Variants in PRRG1 observed in about 807,000 individuals in gnomAD.
PRRG1 encodes transmembrane gamma-carboxyglutamic acid protein 1.
PRRG1 carries 5 observed loss-of-function variants against 11.8 expected under a neutral mutation model. That is an observed-to-expected ratio of 0.42 (90% CI 0.22 to 0.89). The LOEUF (loss-of-function observed/expected upper bound fraction) is 0.89. Ranked by LOEUF, PRRG1 falls within the 40% of genes least tolerant of loss-of-function variation. The pLI is 0.28. For synonymous variants in PRRG1, 66 were observed against 60.4 expected, an observed-to-expected ratio of 1.09 and a Z score of -0.43; for missense variants, 155 against 166.1, an observed-to-expected ratio of 0.93 and a Z score of 0.37.
chrX:37,366,902 C>T (rs1930587612), intron 1 of PRRG1, among the ~76,000 whole-genome samples: 1 of 111,548 alleles, frequency 9.0e-6, no homozygotes, highest in Non-Finnish European at 1.9e-5. Context: ...GTCTTATTTA[C>T]ACAACTAGAA....
intron 2 of PRRG1, among the ~76,000 whole-genome samples, chrX:37,425,459 T>C (rs148014999): frequency 0.02 from 2,285 of 112,100 alleles, 57 homozygotes; most frequent in African/African-American, 0.07. Flanking sequence ...CAAAGACTGA[T>C]AATCTAGAGA....
At chrX:37,350,595 A>G (rs185463858) in intron 1 of PRRG1, among the ~76,000 whole-genome samples, 2 of 111,919 alleles carry the variant, frequency 1.8e-5, no homozygotes, top group Admixed American at 1.9e-4. Context: ...AAAGCTCCAT[A>G]TGCTTTCATT....
intron 1 of PRRG1, among the ~76,000 whole-genome samples, chrX:37,399,439 T>A (rs1306112748): frequency 9.2e-6 from 1 of 108,770 alleles, no homozygotes; most frequent in African/African-American, 3.4e-5. Flanking sequence ...GCTGAGAGAT[T>A]TTGTCACCAC....
chrX:37,425,179 A>G (rs1222652826), intron 2 of PRRG1, among the ~76,000 whole-genome samples: 2 of 111,386 alleles, frequency 1.8e-5, no homozygotes, highest in Non-Finnish European at 3.8e-5. Flanking sequence ...TGTATTTTGA[A>G]TGTTTATATG....
At chrX:37,412,579 T>C (rs1428345091) in intron 2 of PRRG1, among the ~76,000 whole-genome samples, 1 of 111,311 alleles carries the variant, frequency 9.0e-6, no homozygotes, top group Admixed American at 9.6e-5. Context: ...CCTCTTTAGT[T>C]TAGATGATGT....
rs151042939 is a variant in PRRG1, at chrX:37,371,152, A to G, written c.-42+21757A>G. 3.4e-3 allele frequency among the ~76,000 whole-genome samples: 382 copies of G among 111,566 alleles called. 7 individuals carry two copies. In the East Asian group the frequency reaches 0.052, roughly 15 times the overall value. On this transcript the variant is annotated intron_variant, in intron 1 of 3. Coordinates refer to ENST00000378628, the MANE Select transcript of PRRG1 (RefSeq NM_001142395.2). ...GCCACTCATGGACTAGTTAGTCAGC[A>G]TGCACTTCCTCCCCTCTGAAGCACA...
intron 1 of PRRG1, among the ~76,000 whole-genome samples, chrX:37,351,758 T>C (rs929848675): frequency 8.9e-6 from 1 of 111,999 alleles, no homozygotes; most frequent in Admixed American, 9.4e-5. Flanking sequence ...AAGGCCAGTT[T>C]CTGATACTGA....
chrX:37,403,213 A>C (rs1556380973), intron 1 of PRRG1, among the ~76,000 whole-genome samples: 2 of 110,263 alleles, frequency 1.8e-5, no homozygotes, highest in Non-Finnish European at 3.8e-5. Flanking sequence ...CACAATAGCA[A>C]AGACTTGGAA....
intron 3 of PRRG1, among the ~76,000 whole-genome samples, chrX:37,429,970 A>G (rs906589492): frequency 5.4e-5 from 6 of 111,913 alleles, no homozygotes; most frequent in African/African-American, 1.6e-4. Context: ...TTTATTCACT[A>G]TCATAAGAAT....
At chrX:37,353,419 G>A (rs1930134360) in intron 1 of PRRG1, among the ~76,000 whole-genome samples, 1 of 112,020 alleles carries the variant, frequency 8.9e-6, no homozygotes, top group African/African-American at 3.2e-5. Context: ...GTTATAGTAA[G>A]CTAAGGTTAA....
chrX:37,386,382 G>A (rs782582135), intron 1 of PRRG1, among the ~76,000 whole-genome samples: 1 of 111,689 alleles, frequency 9.0e-6, no homozygotes, highest in African/African-American at 3.3e-5. Context: ...TACAACTGGA[G>A]ATTTTTTTTA....
intron 1 of PRRG1, among the ~76,000 whole-genome samples, chrX:37,374,927 G>A (rs575991431): frequency 2.4e-4 from 27 of 111,430 alleles, no homozygotes; most frequent in Middle Eastern, 4.6e-3. Context: ...AAGGAACTGA[G>A]GTGAATAGAC....
intron 2 of PRRG1, among the ~76,000 whole-genome samples, chrX:37,408,382 A>G (rs781916628): frequency 8.9e-6 from 1 of 112,025 alleles, no homozygotes; most frequent in Admixed American, 9.4e-5. Context: ...GGCTCAGGGG[A>G]TTGGTTTGAC....
At chrX:37,430,764 C>T (rs781975258) in intron 3 of PRRG1, among the ~76,000 whole-genome samples, 4 of 111,532 alleles carry the variant, frequency 3.6e-5, no homozygotes, top group Middle Eastern at 4.6e-3. Context: ...AGGAAACTGA[C>T]GTTGGTACAA....
intron 1 of PRRG1, among the ~76,000 whole-genome samples, chrX:37,361,556 G>A (rs1208085659): frequency 1.8e-5 from 2 of 111,451 alleles, no homozygotes; most frequent in Non-Finnish European, 3.8e-5. Flanking sequence ...CTCAGAATTC[G>A]TAACCTATTA....
intron 1 of PRRG1, among the ~76,000 whole-genome samples, chrX:37,369,319 T>G (rs1930683003): frequency 8.9e-6 from 1 of 112,335 alleles, no homozygotes; most frequent in Admixed American, 9.4e-5. Context: ...TAACATTTCA[T>G]TTTTTCATGC....
intron 3 of PRRG1, among the ~76,000 whole-genome samples, chrX:37,432,814 A>G (rs1932845904): frequency 9.0e-6 from 1 of 111,514 alleles, no homozygotes; most frequent in African/African-American, 3.3e-5. Flanking sequence ...CTAACTGCCT[A>G]CTCAACATGT....
At chrX:37,396,846 T>C (rs1231117364) in intron 1 of PRRG1, among the ~76,000 whole-genome samples, 1 of 112,044 alleles carries the variant, frequency 8.9e-6, no homozygotes, top group Non-Finnish European at 1.9e-5. Flanking sequence ...TTCTTTCTTG[T>C]AGGGGGCTGT....
intron 1 of PRRG1, among the ~76,000 whole-genome samples, chrX:37,377,646 C>T (rs1002189474): frequency 2.1e-4 from 23 of 111,531 alleles, no homozygotes; most frequent in African/African-American, 6.2e-4. Flanking sequence ...GTATTGGATA[C>T]GAATGAGTTC....
Sources: gnomAD v4.1 joint callset for allele counts (sites outside exome capture counted in the v4.1 genomes callset) on GRCh38, gnomAD v4.1.1 for gene constraint, MANE v1.5 for transcripts, NCBI Gene and HGNC (gene_info 2026-07-23, HGNC 2026-07-21) for gene names.